The following PPP1R9B variants were observed in gnomAD, a reference collection of about 807,000 sequenced individuals.
The protein encoded by PPP1R9B is neurabin-2.
Under a neutral mutation model 75.8 loss-of-function variants are expected in PPP1R9B, and 17 were observed. The ratio of observed to expected loss-of-function variants is 0.22; its 90% confidence interval spans 0.15 to 0.34. PPP1R9B has a LOEUF of 0.34. Ranked by LOEUF, PPP1R9B falls within the 10% of genes least tolerant of loss-of-function variation. The probability of loss-of-function intolerance (pLI) is 1.00; values close to 1 mark genes in which losing one functional copy is unlikely to be tolerated. For missense variants in PPP1R9B, 875 were observed against 1,196.0 expected, an observed-to-expected ratio of 0.73 and a Z score of 3.96; for synonymous variants, 509 against 535.4, an observed-to-expected ratio of 0.95 and a Z score of 0.68.
chr17:50,140,465 G>T, intron 4 of PPP1R9B: 1 of 580,296 alleles, frequency 1.7e-6, no homozygotes, highest in Non-Finnish European at 3.0e-6. Context: ...GCGGGAGGGA[G>T]AATGTCAGCC....
intron 1 of PPP1R9B, chr17:50,146,232 T>C (rs971294555): frequency 2.0e-5 from 3 of 152,342 alleles, no homozygotes; most frequent in Admixed American, 6.5e-5. Flanking sequence ...TGGGAATGTC[T>C]AATTCTGGGC....
chr17:50,150,665 G>T lies in PPP1R9B; in HGVS notation c.-152C>A. On this transcript the variant is annotated 5_prime_UTR_variant, in exon 1 of 10. It adds an upstream start codon to the 5' untranslated region. Transcript: ENST00000612501. This position sits in a 1 kb window ranked among gnomAD's most constrained non-coding sequence, Gnocchi z 8.7. ...CCCCAAAACCAAGCTGCCAAAAACA[G>T]TTAATCCCGCTTTAAAAAAAAAAAT... The T allele has an allele frequency of 1.3e-4, 76 of 583,552 alleles. No homozygotes were observed. Among genetic ancestry groups the T allele is most frequent in the South Asian group, 2.6e-4 (3 of 11,606 alleles). 36.1% of individuals were successfully genotyped at this position (583,552 alleles called of 1,614,324 possible).
Position 50,149,482 on chromosome 17 carries a change from C to A in PPP1R9B, c.1032G>T (p.Glu344Asp), listed in dbSNP as rs377090330. The A allele has an allele frequency of 1.7e-4, 265 of 1,600,726 alleles. No homozygotes were observed. Among genetic ancestry groups the A allele is most frequent in the Non-Finnish European group, 2.1e-4 (251 of 1,174,628 alleles). Residue 344 changes from glutamate to aspartate, a missense_variant, in exon 1 of 10, where the codon GAG (glutamate) becomes GAT (aspartate). This residue lies in a region of PPP1R9B where 449 missense variants were observed against 475.0 expected (regional missense o/e 0.95). Coordinates refer to ENST00000612501, the MANE Select transcript of PPP1R9B (RefSeq NM_032595.5). This position sits in a 1 kb window ranked among gnomAD's most constrained non-coding sequence, Gnocchi z 7.2. ...TVATAASPAP[E>D]EPKAQAAPEK... ...CCGGGGCCGCTTGGGCCTTTGGCTC[C>A]TCGGGCGCGGGGCTGGCTGCAGTTG... is the stretch of plus-strand genomic sequence containing the variant.
In PPP1R9B at chr17:50,135,670, G is replaced by A. The variant is rs376322664; in HGVS notation, c.2304-21C>T. ...TCTCCCTGGGCACAGGCAAGGGACA[G>A]ATGGCAGGTAAGGGTGTGTGGTCTG... On this transcript the variant is annotated intron_variant, in intron 8 of 9. Transcript: ENST00000612501. The A allele has an allele frequency of 2.5e-6, 4 of 1,578,138 alleles. No individual in the cohort carries two copies. In the African/African-American group the frequency reaches 5.4e-5, roughly 21 times the overall value.
At position 50,135,231 on chromosome 17, in the gene PPP1R9B, T is replaced by C; in HGVS notation, c.*100A>G. On this transcript the variant is annotated 3_prime_UTR_variant, in exon 10 of 10. Coordinates refer to ENST00000612501, the MANE Select transcript of PPP1R9B (RefSeq NM_032595.5). ...GAGGGGTGGGGGGAGTCGGGGCACC[T>C]GTCCCCAGGCTGGAAGGGGGAGGGG... 2 of 938,378 alleles carry C rather than the reference T, an allele frequency of 2.1e-6. No individual in the cohort carries two copies. Among genetic ancestry groups the C allele is most frequent in the Non-Finnish European group, 3.2e-6 (2 of 621,470 alleles). 58.1% of individuals were successfully genotyped at this position (938,378 alleles called of 1,614,324 possible).
chr17:50,138,754 A>G (rs1365288326), intron 7 of PPP1R9B, among the ~76,000 whole-genome samples: 1 of 152,060 alleles, frequency 6.6e-6, no homozygotes, highest in Non-Finnish European at 1.5e-5. Context: ...CCACCCAAGT[A>G]GCTGGGATCA....
intron 4 of PPP1R9B, 63 bp downstream of exon 4, chr17:50,141,206 G>T: frequency 9.1e-7 from 1 of 1,096,696 alleles, no homozygotes; most frequent in South Asian, 1.4e-5. Flanking sequence ...TAAGGCAGGT[G>T]AACGGAGTGC....
chr17:50,145,349 C>T (rs1912487619), intron 1 of PPP1R9B, 104 bp from the exon 2 acceptor site: 11 of 1,417,008 alleles, frequency 7.8e-6, no homozygotes, highest in Non-Finnish European at 1.1e-5. Flanking sequence ...CCATGCCTCC[C>T]CATGATAGCC....
In PPP1R9B at chr17:50,149,083, G is replaced by C; in HGVS notation, c.1371+60C>G. 3 of 1,287,432 alleles carry C rather than the reference G, an allele frequency of 2.3e-6. No homozygotes were observed. The highest frequency in any genetic ancestry group is 2.0e-6 in the Non-Finnish European group (2 of 987,942). The allele number at this position is 1,287,432 out of a possible 1,614,324, so 79.8% of individuals were successfully genotyped here. On this transcript the variant is annotated intron_variant, in intron 1 of 9. Coordinates refer to ENST00000612501, the MANE Select transcript of PPP1R9B (RefSeq NM_032595.5). The surrounding 1 kb of genome is among the most constrained non-coding windows in gnomAD (Gnocchi z 7.2). ...AACCCGGCTGGCTGGCTGGCGAGCG[G>C]GGGCGGCCGCGTGCACGTGGCAGGG...
At chr17:50,137,998 T>A (rs1016074219) in intron 7 of PPP1R9B, among the ~76,000 whole-genome samples, 1 of 152,146 alleles carries the variant, frequency 6.6e-6, no homozygotes, top group Non-Finnish European at 1.5e-5. Context: ...GATCTGTCTC[T>A]CCCCACCACG....
In PPP1R9B at chr17:50,135,077, G is replaced by A. The variant is rs548795675; in HGVS notation, c.*254C>T. On this transcript the variant is annotated 3_prime_UTR_variant, in exon 10 of 10. Transcript: ENST00000612501. ...ACCAGGCCAGCCCTCGGCAGCCCTCGGCCTCTGTGCCTCAGCCCCATGGGG... is the reference window on the plus strand; with the variant it reads ...ACCAGGCCAGCCCTCGGCAGCCCTCAGCCTCTGTGCCTCAGCCCCATGGGG... The A allele has an allele frequency of 5.2e-5, 29 of 555,444 alleles. No individual in the cohort carries two copies. Among genetic ancestry groups the A allele is most frequent in the Middle Eastern group, 4.7e-4 (1 of 2,106 alleles). 34.4% of individuals were successfully genotyped at this position (555,444 alleles called of 1,614,324 possible).
At chr17:50,135,413 G>A in intron 9 of PPP1R9B, 29 bp from the exon 10 acceptor site, 2 of 1,609,894 alleles carry the variant, frequency 1.2e-6, no homozygotes, top group Non-Finnish European at 1.7e-6. Context: ...TAGGGGGTCA[G>A]GTCTGGACAC....
chr17:50,139,590 G>T lies in PPP1R9B; in HGVS notation c.1867-9C>A, dbSNP rs1256101233. ...GTGGCATACTCTCCCGTCTGCGAAG[G>T]GAGACCGGAGACTGTGGGCCCACCC... On this transcript the variant is annotated splice_polypyrimidine_tract_variant and intron_variant, in intron 5 of 9. Transcript: ENST00000612501. This position sits in a 1 kb window ranked among gnomAD's most constrained non-coding sequence, Gnocchi z 5.0. 6.5e-7 allele frequency: 1 copy of T among 1,531,044 alleles called. No individual in the cohort carries two copies. Among genetic ancestry groups the T allele is most frequent in the Non-Finnish European group, 8.8e-7 (1 of 1,138,580 alleles). 94.8% of individuals were successfully genotyped at this position (1,531,044 alleles called of 1,614,324 possible).
At chr17:50,141,762 C>A (rs150121437) in intron 3 of PPP1R9B, among the ~76,000 whole-genome samples, 79 of 152,208 alleles carry the variant, frequency 5.2e-4, no homozygotes, top group African/African-American at 1.8e-3. Context: ...TGTCTACCTG[C>A]GTAACATTCA....
chr17:50,138,451 G>A (rs1396028584), intron 7 of PPP1R9B, among the ~76,000 whole-genome samples: 3 of 151,568 alleles, frequency 2.0e-5, no homozygotes, highest in Non-Finnish European at 2.9e-5. Flanking sequence ...TGGGTGAGGG[G>A]GTCTGTGGGT....
In PPP1R9B at chr17:50,136,161, C is replaced by T. The variant is rs1164085835; in HGVS notation, c.2110G>A (p.Val704Met). Residue 704 changes from valine to methionine, a missense_variant, in exon 8 of 10, where the codon GTG (valine) becomes ATG (methionine). By Grantham distance (21) the Val-to-Met change is conservative. Coordinates refer to ENST00000612501, the MANE Select transcript of PPP1R9B (RefSeq NM_032595.5). ...SLEQEKGRWR[V>M]EKAQLEQSVE... ...CTCTGCTCCAACTGCGCCTTCTCCACCCGCCAGCGCCCCTTCTCCTGCTCC... is the reference window on the plus strand; with the variant it reads ...CTCTGCTCCAACTGCGCCTTCTCCATCCGCCAGCGCCCCTTCTCCTGCTCC... 6 of 1,602,660 alleles carry T rather than the reference C, an allele frequency of 3.7e-6. No individual in the cohort carries two copies. Among genetic ancestry groups the T allele is most frequent in the Non-Finnish European group, 4.2e-6 (5 of 1,179,812 alleles).
chr17:50,148,321 C>G (rs4794104), intron 1 of PPP1R9B, among the ~76,000 whole-genome samples: 23,557 of 152,270 alleles, frequency 0.15, 1,940 homozygotes, highest in African/African-American at 0.18. Flanking sequence ...TGGGGCCTGC[C>G]AAGGCCATGG....
intron 4 of PPP1R9B, chr17:50,140,453 T>C (rs1348094690): frequency 1.2e-5 from 7 of 566,714 alleles, no homozygotes; most frequent in South Asian, 2.0e-5. Context: ...CTGGCCAGTA[T>C]TGCGGGAGGG....
chr17:50,150,313 C>A lies in PPP1R9B; in HGVS notation c.201G>T (p.Thr67=). The A allele has an allele frequency of 6.9e-7, 1 of 1,444,084 alleles. No individual in the cohort carries two copies. Among genetic ancestry groups the A allele is most frequent in the Non-Finnish European group, 9.1e-7 (1 of 1,095,784 alleles). 89.5% of individuals were successfully genotyped at this position (1,444,084 alleles called of 1,614,324 possible). ...IKSMFLQMGT[T]AGPSGEAGGG... ...CGCCCGCCTCGCCCGAGGGCCCCGCCGTCGTGCCCATCTGCAGGAACATAC... is the reference window on the plus strand; with the variant it reads ...CGCCCGCCTCGCCCGAGGGCCCCGCAGTCGTGCCCATCTGCAGGAACATAC... The change falls in exon 1 of 10, where the codon ACG becomes ACT. Residue 67 remains threonine (T), a synonymous_variant. Coordinates refer to ENST00000612501, the MANE Select transcript of PPP1R9B (RefSeq NM_032595.5). This position sits in a 1 kb window ranked among gnomAD's most constrained non-coding sequence, Gnocchi z 8.7.
Sources: gnomAD v4.1 joint callset for allele counts (sites outside exome capture counted in the v4.1 genomes callset) on GRCh38, gnomAD v4.1.1 for gene constraint, gnomAD v4.1.1 regional missense constraint, Gnocchi (gnomAD v3.1) non-coding constraint, MANE v1.5 for transcripts, NCBI Gene and HGNC (gene_info 2026-07-23, HGNC 2026-07-21) for gene names.